Variants in ADGRL3 observed in about 807,000 individuals in gnomAD.
ADGRL3 encodes the protein calcium-independent alpha-latrotoxin receptor 3.
ADGRL3 carries 62 observed loss-of-function variants against 153.5 expected under a neutral mutation model. The observed-to-expected ratio is 0.40, with a 90% CI of 0.33 to 0.50. ADGRL3 has a LOEUF of 0.50. Among genes scored for constraint, ADGRL3 ranks in the 20% least tolerant of loss-of-function variants. The pLI is 0.47. For missense variants in ADGRL3, 1,641 were observed against 1,859.4 expected (o/e 0.88, Z 2.16); for synonymous variants, 710 against 672.5 (o/e 1.06, Z -0.86).
intron 8 of ADGRL3, among the ~76,000 whole-genome samples, chr4:61,802,430 G>A (rs1159531376): frequency 6.6e-6 from 1 of 152,080 alleles, no homozygotes; most frequent in Non-Finnish European, 1.5e-5. Flanking sequence ...AATTCTGCTT[G>A]CTTCTGTGAT....
At position 62,070,322 on chromosome 4, in the gene ADGRL3, A is replaced by G. The variant is rs1478754914; in HGVS notation, c.4046A>G (p.His1349Arg). 3 of 1,554,736 alleles carry G rather than the reference A, an allele frequency of 1.9e-6. No individual in the cohort carries two copies. The highest frequency in any genetic ancestry group is 4.9e-5 in the East Asian group (2 of 41,088). ...SNYIPSYLNN[H>R]ERSSEQNRNL... ...TATATCCCTTCTTACCTGAACAACC[A>G]TGAGCGCTCCAGTGAACAGAACAGG... Residue 1349 changes from histidine to arginine, a missense_variant, in exon 27 of 27, where the codon CAT becomes CGT. Transcript: ENST00000683033.
chr4:61,553,309 A>G (rs1374721651), intron 4 of ADGRL3, among the ~76,000 whole-genome samples: 1 of 152,222 alleles, frequency 6.6e-6, no homozygotes, highest in Non-Finnish European at 1.5e-5. Flanking sequence ...TACCTAAAAT[A>G]TATAACTGAG....
intron 5 of ADGRL3, among the ~76,000 whole-genome samples, chr4:61,660,546 A>G (rs912984075): frequency 5.9e-5 from 9 of 152,204 alleles, no homozygotes; most frequent in African/African-American, 2.2e-4. Flanking sequence ...TTATGTGGAG[A>G]TGGAGATGGT....
At chr4:62,038,682 A>C (rs1582006875) in intron 24 of ADGRL3, among the ~76,000 whole-genome samples, 1 of 152,060 alleles carries the variant, frequency 6.6e-6, no homozygotes, top group East Asian at 1.9e-4. Flanking sequence ...GCTCACTGAA[A>C]CCCCTTCCCC....
At chr4:61,693,951 G>T (rs2095586436) in intron 6 of ADGRL3, among the ~76,000 whole-genome samples, 1 of 151,920 alleles carries the variant, frequency 6.6e-6, no homozygotes, top group African/African-American at 2.4e-5. Flanking sequence ...TTACATCTTT[G>T]GATCTTAAGT....
chr4:62,010,965 T>C (rs1212934494), intron 21 of ADGRL3, among the ~76,000 whole-genome samples: 1 of 152,204 alleles, frequency 6.6e-6, no homozygotes, highest in Non-Finnish European at 1.5e-5. Flanking sequence ...TAATGATATT[T>C]AGTTTCAACT....
intron 2 of ADGRL3, among the ~76,000 whole-genome samples, chr4:61,449,986 A>G (rs1449731886): frequency 6.6e-6 from 1 of 152,222 alleles, no homozygotes; most frequent in African/African-American, 2.4e-5. Context: ...TGAAATAATA[A>G]TGATTGACTT....
At chr4:61,898,987 G>T (rs1001157931) in intron 11 of ADGRL3, among the ~76,000 whole-genome samples, 34 of 145,994 alleles carry the variant, frequency 2.3e-4, no homozygotes, top group Non-Finnish European at 4.6e-4. Flanking sequence ...CTGTACACAT[G>T]GCTGGGAAAG....
At chr4:62,048,236 T>A in intron 25 of ADGRL3, among the ~76,000 whole-genome samples, 1 of 151,910 alleles carries the variant, frequency 6.6e-6, no homozygotes, top group Admixed American at 6.6e-5. Context: ...GCTGTTTATC[T>A]ATTTATTTAC....
At chr4:61,729,058 A>C (rs1681178863) in intron 6 of ADGRL3, among the ~76,000 whole-genome samples, 1 of 151,652 alleles carries the variant, frequency 6.6e-6, no homozygotes, top group Non-Finnish European at 1.5e-5. Context: ...ATTTGTAGAG[A>C]GGGAGGGAGG....
intron 9 of ADGRL3, among the ~76,000 whole-genome samples, chr4:61,884,868 G>A (rs895325354): frequency 2.0e-5 from 3 of 151,324 alleles, no homozygotes; most frequent in Non-Finnish European, 2.9e-5. Context: ...CAGGTGATCC[G>A]CCCACCTCGG....
chr4:61,204,292 G>GA (rs1736139134), intron 1 of ADGRL3, among the ~76,000 whole-genome samples: 2 of 152,076 alleles, frequency 1.3e-5, no homozygotes, highest in Admixed American at 6.5e-5. Flanking sequence ...CACCCTAATA[G>GA]AAAACTTAGA....
intron 25 of ADGRL3, among the ~76,000 whole-genome samples, chr4:62,050,055 G>A (rs1733287631): frequency 1.3e-5 from 2 of 151,944 alleles, no homozygotes; most frequent in African/African-American, 2.4e-5. Context: ...ATTCACTACC[G>A]AAGTTTTGTT....
At chr4:61,270,886 G>A (rs750896910) in intron 1 of ADGRL3, among the ~76,000 whole-genome samples, 5 of 151,574 alleles carry the variant, frequency 3.3e-5, no homozygotes, top group Admixed American at 6.6e-5. Flanking sequence ...AATAGAAAAG[G>A]GTAATATTCA....
chr4:61,714,218 T>TACGCACACACACACAC (rs143768783), intron 6 of ADGRL3, among the ~76,000 whole-genome samples: 15 of 128,954 alleles, frequency 1.2e-4, no homozygotes, highest in East Asian at 7.1e-4. Flanking sequence ...CCATGTAAAA[T>TACGCACACACACACAC]ACGCACACAC....
At chr4:61,497,938 T>C (rs1394209502) in intron 3 of ADGRL3, among the ~76,000 whole-genome samples, 1 of 152,172 alleles carries the variant, frequency 6.6e-6, no homozygotes, top group Non-Finnish European at 1.5e-5. Flanking sequence ...TTGCATTTTA[T>C]TTTTAGTCTT....
At chr4:61,730,666 C>A in intron 7 of ADGRL3, 30 bp downstream of exon 7, 2 of 510,340 alleles carry the variant, frequency 3.9e-6, no homozygotes, top group Non-Finnish European at 6.6e-6. Context: ...AAATTATATA[C>A]TATTTATAGG....
At chr4:61,714,361 T>TAC (rs554875994) in intron 6 of ADGRL3, among the ~76,000 whole-genome samples, 4 of 149,824 alleles carry the variant, frequency 2.7e-5, no homozygotes, top group Admixed American at 6.7e-5. Context: ...TATACTTGAG[T>TAC]ACACACACAC....
chr4:61,958,470 A>G (rs1230612472), intron 17 of ADGRL3, among the ~76,000 whole-genome samples: 1 of 151,418 alleles, frequency 6.6e-6, no homozygotes, highest in African/African-American at 2.4e-5. Context: ...GTGTTAGTTC[A>G]TTTTCACACT....
Sources: allele counts gnomAD v4.1 joint callset (sites outside exome capture counted in the v4.1 genomes callset), GRCh38; gene constraint gnomAD v4.1.1; transcripts MANE v1.5; gene names NCBI Gene and HGNC (gene_info 2026-07-23, HGNC 2026-07-21).